The following NEK1 variants were observed in gnomAD, a reference collection of about 807,000 sequenced individuals.
NEK1 encodes serine/threonine-protein kinase Nek1.
NEK1 carries 137 observed loss-of-function variants against 182.1 expected under a neutral mutation model. The observed-to-expected ratio is 0.75, with a 90% CI of 0.65 to 0.87. The LOEUF (loss-of-function observed/expected upper bound fraction) is 0.87, where lower values mean the gene tolerates loss of function less well. Ranked by LOEUF, NEK1 falls within the 40% of genes least tolerant of loss-of-function variation. The pLI is 0.00. For synonymous variants in NEK1, 513 were observed against 492.2 expected (o/e 1.04, Z -0.56); for missense variants, 1,391 against 1,494.4 (o/e 0.93, Z 1.14).
intron 18 of NEK1, among the ~76,000 whole-genome samples, chr4:169,548,636 C>T (rs1433952216): frequency 1.3e-5 from 2 of 152,218 alleles, no homozygotes; most frequent in South Asian, 2.1e-4. Context: ...CTGACTGGGG[C>T]TACTGCCTTT....
intron 23 of NEK1, among the ~76,000 whole-genome samples, chr4:169,497,853 G>C (rs1302141684): frequency 6.6e-6 from 1 of 152,134 alleles, no homozygotes; most frequent in Non-Finnish European, 1.5e-5. Context: ...AATAGGTGTG[G>C]TGTGGTGCTG....
At chr4:169,511,460 G>C (rs1440689514) in intron 19 of NEK1, among the ~76,000 whole-genome samples, 1 of 152,030 alleles carries the variant, frequency 6.6e-6, no homozygotes, top group Non-Finnish European at 1.5e-5. Context: ...TGATATTTGA[G>C]AAATGCAAGA....
At chr4:169,480,092 C>T (rs1437608758) in intron 23 of NEK1, among the ~76,000 whole-genome samples, 1 of 152,024 alleles carries the variant, frequency 6.6e-6, no homozygotes, top group Non-Finnish European at 1.5e-5. Context: ...GATTATGAAA[C>T]CTGAATTAAT....
intron 27 of NEK1, among the ~76,000 whole-genome samples, chr4:169,451,462 A>C (rs1741756616): frequency 6.6e-6 from 1 of 152,238 alleles, no homozygotes; most frequent in Admixed American, 6.5e-5. Flanking sequence ...CAATCAAATT[A>C]GAACTCAGGA....
chr4:169,552,516 C>T (rs1385423447), intron 18 of NEK1, among the ~76,000 whole-genome samples: 1 of 152,018 alleles, frequency 6.6e-6, no homozygotes, highest in South Asian at 2.1e-4. Context: ...TGAAGCTTTC[C>T]GGCCAACATC....
chr4:169,424,562 G>A lies in NEK1; in HGVS notation c.3213C>T (p.Asn1071=), dbSNP rs184324310. Residue 1071 remains asparagine (N), a synonymous_variant, in exon 31 of 36, where the codon AAC becomes AAT. Coordinates refer to ENST00000507142, the MANE Select transcript of NEK1 (RefSeq NM_001199397.3). ...IGLSTGLFDA[N]NPKMLRTCSL... is the part of the protein sequence containing the mutation. ...TGAGGACCATACTTGCCTTTGGGTT[G>A]TTTGCATCAAACAGACCAGTTGAAA... The A allele has an allele frequency of 3.9e-4, 627 of 1,593,210 alleles. 1 individual carries two copies. The Admixed American group carries it at 9.4e-3, about 24-fold the overall frequency.
chr4:169,610,280 G>A (rs1398274986), intron 2 of NEK1, among the ~76,000 whole-genome samples: 7 of 151,998 alleles, frequency 4.6e-5, no homozygotes, highest in Non-Finnish European at 1.0e-4. Context: ...GGGAATACAG[G>A]TGTGAGCCAC....
chr4:169,540,997 T>C (rs1282197759), intron 18 of NEK1, among the ~76,000 whole-genome samples: 1 of 152,086 alleles, frequency 6.6e-6, no homozygotes, highest in African/African-American at 2.4e-5. Context: ...CTCACATCCA[T>C]GGTTCAAATT....
intron 2 of NEK1, among the ~76,000 whole-genome samples, chr4:169,604,528 T>A (rs1238280679): frequency 3.9e-5 from 6 of 152,380 alleles, no homozygotes; most frequent in African/African-American, 1.4e-4. Flanking sequence ...GTGATTCCTT[T>A]CTAGGAGAAA....
intron 35 of NEK1, among the ~76,000 whole-genome samples, chr4:169,398,358 C>T (rs1324586211): frequency 6.6e-6 from 1 of 150,646 alleles, no homozygotes; most frequent in Non-Finnish European, 1.5e-5. Flanking sequence ...GAAAAAAATA[C>T]TTTTTGCTCC....
intron 23 of NEK1, among the ~76,000 whole-genome samples, chr4:169,501,547 G>C (rs949786187): frequency 6.6e-6 from 1 of 152,036 alleles, no homozygotes; most frequent in Non-Finnish European, 1.5e-5. Flanking sequence ...ATCATACTAA[G>C]CATCTTCTTG....
At chr4:169,503,375 TA>T (rs1166749166) in intron 23 of NEK1, among the ~76,000 whole-genome samples, 1 of 151,970 alleles carries the variant, frequency 6.6e-6, no homozygotes, top group African/African-American at 2.4e-5. Context: ...TAAAAAAACC[TA>T]AAATTCATAT....
At chr4:169,562,022 A>G in intron 13 of NEK1, 115 bp downstream of exon 13, 2 of 1,074,580 alleles carry the variant, frequency 1.9e-6, no homozygotes. Context: ...AAGAAGTTAT[A>G]GGTATTCGTT....
chr4:169,486,943 T>C (rs1356269709), intron 23 of NEK1, among the ~76,000 whole-genome samples: 4 of 152,200 alleles, frequency 2.6e-5, no homozygotes, highest in Non-Finnish European at 2.9e-5. Context: ...CGATCTTCCT[T>C]ACATACTTCA....
Position 169,520,983 on chromosome 4 carries a change from A to C in NEK1, c.1666-12131T>G, listed in dbSNP as rs1399706849. On this transcript the variant is annotated intron_variant, in intron 19 of 35. Transcript: ENST00000507142. ...TTGTTTGTCTGTGCCCTGCCCCCAG[A>C]GGTGGAGCCTACAGAGGCAGGCAGG... Among the ~76,000 whole-genome samples the C allele has an allele frequency of 2.7e-4, 13 of 48,306 alleles. No individual in the cohort carries two copies. In the East Asian group the frequency reaches 6.2e-3, roughly 23 times the overall value. The allele number at this position is 48,306 out of a possible 152,430, so 31.7% of individuals were successfully genotyped here. A position where few individuals can be genotyped will look rare whatever the true frequency, so the allele number is the denominator to read the frequency against.
rs190846308 is a variant in NEK1, at chr4:169,463,440, A to G, written c.2435-45T>C. On this transcript the variant is annotated intron_variant, in intron 26 of 35. Coordinates refer to ENST00000507142, the MANE Select transcript of NEK1 (RefSeq NM_001199397.3). ...AGAAACAATTTTCAATAACAGTATAATAATACTGCATGGTAAGGCAGATTT... is the reference window on the plus strand; with the variant it reads ...AGAAACAATTTTCAATAACAGTATAGTAATACTGCATGGTAAGGCAGATTT... 2.8e-6 allele frequency: 4 copies of G among 1,432,354 alleles called. No homozygotes were observed. The African/African-American group carries it at 5.7e-5, about 20-fold the overall frequency. 88.7% of individuals were successfully genotyped at this position (1,432,354 alleles called of 1,614,324 possible).
At chr4:169,422,084 G>A (rs1317215656) in intron 31 of NEK1, among the ~76,000 whole-genome samples, 28 of 152,170 alleles carry the variant, frequency 1.8e-4, no homozygotes, top group Admixed American at 1.8e-3. Flanking sequence ...CAGCATATAT[G>A]AACTCTGAAA....
At chr4:169,548,361 C>T (rs1419885723) in intron 18 of NEK1, among the ~76,000 whole-genome samples, 1 of 152,222 alleles carries the variant, frequency 6.6e-6, no homozygotes, top group Non-Finnish European at 1.5e-5. Context: ...GGGGCACCCG[C>T]CAGATGCCAG....
At chr4:169,421,990 A>G (rs1735561085) in intron 31 of NEK1, among the ~76,000 whole-genome samples, 1 of 152,200 alleles carries the variant, frequency 6.6e-6, no homozygotes, top group Admixed American at 6.5e-5. Flanking sequence ...AGCAGTGGAG[A>G]CAGAAGAGTG....
Sources: gnomAD v4.1 joint callset for allele counts (sites outside exome capture counted in the v4.1 genomes callset) on GRCh38, gnomAD v4.1.1 for gene constraint, MANE v1.5 for transcripts, NCBI Gene and HGNC (gene_info 2026-07-23, HGNC 2026-07-21) for gene names.